The following SNX6 variants were observed in gnomAD, a reference collection of about 807,000 sequenced individuals.
SNX6 encodes sorting nexin 6.
A neutral mutation model predicts 63.0 loss-of-function variants in SNX6; 34 were observed. The observed-to-expected ratio is 0.54, with a 90% CI of 0.41 to 0.72. SNX6 has a LOEUF of 0.72. SNX6 is among the 30% of genes least tolerant of loss of function. SNX6 has a pLI of 0.00. For missense variants in SNX6, 398 were observed against 471.4 expected, an observed-to-expected ratio of 0.84 and a Z score of 1.44; for synonymous variants, 170 against 164.2, an observed-to-expected ratio of 1.04 and a Z score of -0.27.
At chr14:34,569,858 A>T (rs918115791) in intron 11 of SNX6, among the ~76,000 whole-genome samples, 1 of 152,194 alleles carries the variant, frequency 6.6e-6, no homozygotes, top group Admixed American at 6.6e-5. Flanking sequence ...ACATTTGCAT[A>T]CAAGTGTTTA....
chr14:34,622,666 C>T (rs900650087), intron 2 of SNX6, among the ~76,000 whole-genome samples: 1 of 151,666 alleles, frequency 6.6e-6, no homozygotes, highest in African/African-American at 2.4e-5. Context: ...TGTACCTTTG[C>T]AACCTCTGCT....
chr14:34,583,528 G>T (rs1202370338), intron 9 of SNX6, among the ~76,000 whole-genome samples: 1 of 151,128 alleles, frequency 6.6e-6, no homozygotes, highest in Non-Finnish European at 1.5e-5. Flanking sequence ...GAAGCAAGAG[G>T]ATTGCTTGAG....
intron 2 of SNX6, chr14:34,629,488 G>GCTCC (rs1232441730): frequency 2.1e-6 from 1 of 481,276 alleles, no homozygotes; most frequent in Non-Finnish European, 4.1e-6. Context: ...AGAAGGGTGG[G>GCTCC]CGGGAGCAAG....
chr14:34,566,819 C>T (rs1881202344), intron 13 of SNX6, among the ~76,000 whole-genome samples: 1 of 152,112 alleles, frequency 6.6e-6, no homozygotes, highest in African/African-American at 2.4e-5. Context: ...CCTGTAATCC[C>T]AGCTACTCGG....
chr14:34,592,981 T>G, intron 8 of SNX6, 64 bp downstream of exon 8: 1 of 1,182,784 alleles, frequency 8.5e-7, no homozygotes, highest in South Asian at 1.4e-5. Flanking sequence ...TTTTTCAAAC[T>G]ATAATATGAA....
At position 34,624,363 on chromosome 14, in the gene SNX6, A is replaced by T. The variant is rs141203376; in HGVS notation, c.54+5544T>A. 3.9e-3 allele frequency among the ~76,000 whole-genome samples: 587 copies of T among 152,310 alleles called. 4 individuals carry two copies. Among genetic ancestry groups the T allele is most frequent in the African/African-American group, 0.014 (569 of 41,570 alleles). ...TGATCTGCCCATCTCGGCCTCGCAA[A>T]GTGCTGGGATTACATGCATGAGACA... On this transcript the variant is annotated intron_variant, in intron 2 of 13. Coordinates refer to ENST00000362031, the MANE Select transcript of SNX6 (RefSeq NM_152233.4).
intron 3 of SNX6, among the ~76,000 whole-genome samples, chr14:34,608,514 T>G (rs888879348): frequency 2.6e-5 from 4 of 152,170 alleles, no homozygotes; most frequent in African/African-American, 7.2e-5. Flanking sequence ...TTCATCTTAT[T>G]TCAAGACCAT....
rs575164703 is a variant in SNX6, at chr14:34,611,550, G to A, written c.55-1808C>T. ...TATAATCCCAGCACTTTGGCAGGCC[G>A]AGGCAGGTGGATCATGAGGTCAAGA... is the stretch of plus-strand genomic sequence containing the variant. On this transcript the variant is annotated intron_variant, in intron 2 of 13. Coordinates refer to ENST00000362031, the MANE Select transcript of SNX6 (RefSeq NM_152233.4). Among the ~76,000 whole-genome samples the A allele has an allele frequency of 8.3e-4, 125 of 151,260 alleles. 1 individual carries two copies. The highest frequency in any genetic ancestry group is 2.4e-3 in the African/African-American group (100 of 41,300).
chr14:34,627,971 C>T (rs948752004), intron 2 of SNX6, among the ~76,000 whole-genome samples: 1 of 152,204 alleles, frequency 6.6e-6, no homozygotes, highest in Non-Finnish European at 1.5e-5. Flanking sequence ...TGCTTTTGCT[C>T]TAACCTGAAA....
chr14:34,562,905 A>G lies in SNX6; in HGVS notation c.*217T>C, dbSNP rs1880993007. The G allele has an allele frequency of 3.6e-6, 2 of 562,206 alleles. No individual in the cohort carries two copies. Among genetic ancestry groups the G allele is most frequent in the Non-Finnish European group, 6.4e-6 (2 of 313,346 alleles). The allele number at this position is 562,206 out of a possible 1,614,324, so 34.8% of individuals were successfully genotyped here. On this transcript the variant is annotated 3_prime_UTR_variant, in exon 14 of 14. Transcript: ENST00000362031. ...GAGTATGACGAGTGCACGATGATGG[A>G]CCACTGTCATGGGGAACACAGTGCG... is the stretch of plus-strand genomic sequence containing the variant.
At chr14:34,619,469 T>C (rs536449833) in intron 2 of SNX6, among the ~76,000 whole-genome samples, 2 of 150,018 alleles carry the variant, frequency 1.3e-5, no homozygotes, top group Non-Finnish European at 3.0e-5. Flanking sequence ...GAGAGAGAGA[T>C]AGAATAAATA....
At chr14:34,565,251 G>C (rs955320510) in intron 13 of SNX6, among the ~76,000 whole-genome samples, 2 of 151,014 alleles carry the variant, frequency 1.3e-5, no homozygotes. Flanking sequence ...CTAATTTTTT[G>C]TATTTTTAGT....
chr14:34,622,749 AATAGCACAGTGGTT>A (rs1223080327), intron 2 of SNX6, among the ~76,000 whole-genome samples: 1 of 152,134 alleles, frequency 6.6e-6, no homozygotes, highest in African/African-American at 2.4e-5. Context: ...AAAGCAGACC[AATAGCACAGTGGTT>A]AAGAGCCAGG....
intron 11 of SNX6, among the ~76,000 whole-genome samples, chr14:34,572,824 G>A (rs1196819683): frequency 1.3e-5 from 2 of 151,772 alleles, no homozygotes; most frequent in Non-Finnish European, 2.9e-5. Flanking sequence ...GGGACTACAG[G>A]CACCCACCAG....
chr14:34,572,306 C>T (rs942753046), intron 11 of SNX6, among the ~76,000 whole-genome samples: 6 of 152,092 alleles, frequency 3.9e-5, no homozygotes, highest in Non-Finnish European at 7.3e-5. Context: ...CAACTATAAT[C>T]CCAACACCTT....
chr14:34,620,579 G>T (rs1421911029), intron 2 of SNX6, among the ~76,000 whole-genome samples: 1 of 152,022 alleles, frequency 6.6e-6, no homozygotes, highest in Non-Finnish European at 1.5e-5. Flanking sequence ...TTCTGCCTTG[G>T]TATCATTCTG....
chr14:34,614,966 A>T (rs1352367387), intron 2 of SNX6, among the ~76,000 whole-genome samples: 1 of 151,842 alleles, frequency 6.6e-6, no homozygotes, highest in Non-Finnish European at 1.5e-5. Context: ...TTAACTACTG[A>T]TCTATCAGTT....
rs562903264 is a variant in SNX6 at position 34,630,099 on chromosome 14, G to A, written c.6+12C>T. On this transcript the variant is annotated intron_variant, in intron 1 of 13. Transcript: ENST00000362031. ...CGCGCTCCCGGGACTCGGCGCCGCG[G>A]AGAACACCCACCATCATGGCTGCTC... The A allele has an allele frequency of 1.1e-4, 152 of 1,447,338 alleles. No individual in the cohort carries two copies. The African/African-American group carries it at 1.8e-3, about 17-fold the overall frequency. The allele number at this position is 1,447,338 out of a possible 1,614,324, so 89.7% of individuals were successfully genotyped here.
intron 2 of SNX6, among the ~76,000 whole-genome samples, chr14:34,628,571 GT>G (rs1883917799): frequency 6.6e-6 from 1 of 152,178 alleles, no homozygotes; most frequent in African/African-American, 2.4e-5. Flanking sequence ...CAAGGCTGCA[GT>G]GAGCTATAAC....
Sources: allele counts gnomAD v4.1 joint callset (sites outside exome capture counted in the v4.1 genomes callset), GRCh38; gene constraint gnomAD v4.1.1; transcripts MANE v1.5; gene names NCBI Gene and HGNC (gene_info 2026-07-23, HGNC 2026-07-21).